The following CCSER1 variants were observed in gnomAD, a reference collection of about 807,000 sequenced individuals.
CCSER1 encodes the protein serine-rich coiled-coil domain-containing protein 1.
Under a neutral mutation model 82.0 loss-of-function variants are expected in CCSER1, and 41 were observed. The ratio of observed to expected loss-of-function variants is 0.50; its 90% CI spans 0.39 to 0.65. The LOEUF (loss-of-function observed/expected upper bound fraction) is 0.65, where lower values mean the gene tolerates loss of function less well. Among genes scored for constraint, CCSER1 ranks in the 30% least tolerant of loss-of-function variants. The pLI is 0.00. For synonymous variants in CCSER1, 414 were observed against 383.9 expected (o/e 1.08, Z -0.92); for missense variants, 1,119 against 1,064.2 (o/e 1.05, Z -0.72).
chr4:90,405,561 C>A (rs1753590018), intron 4 of CCSER1, among the ~76,000 whole-genome samples: 2 of 152,120 alleles, frequency 1.3e-5, no homozygotes, highest in African/African-American at 4.8e-5. Context: ...ACACAGTCAT[C>A]AGGTTACCTA....
At chr4:90,836,085 A>G (rs548082320) in intron 8 of CCSER1, among the ~76,000 whole-genome samples, 35 of 152,318 alleles carry the variant, frequency 2.3e-4, no homozygotes, top group African/African-American at 6.5e-4. Context: ...CAGACCTAGC[A>G]TGAGATTTTT....
chr4:91,098,538 G>A (rs1724732422), intron 10 of CCSER1, among the ~76,000 whole-genome samples: 1 of 151,286 alleles, frequency 6.6e-6, no homozygotes, highest in Non-Finnish European at 1.5e-5. Flanking sequence ...AAGATCACTG[G>A]AGATAATTTT....
intron 10 of CCSER1, among the ~76,000 whole-genome samples, chr4:91,394,835 G>T (rs1295137060): frequency 1.5e-4 from 22 of 150,890 alleles, no homozygotes; most frequent in Admixed American, 1.5e-3. Flanking sequence ...TAGAGAAAAA[G>T]AATTTGCTAT....
intron 1 of CCSER1, among the ~76,000 whole-genome samples, chr4:90,255,731 T>TA (rs774183119): frequency 4.8e-4 from 73 of 151,926 alleles, no homozygotes; most frequent in Admixed American, 5.9e-4. Flanking sequence ...CAAAGAGGTG[T>TA]AAAAAAAACA....
intron 10 of CCSER1, among the ~76,000 whole-genome samples, chr4:91,388,063 AT>A (rs1751415102): frequency 2.0e-5 from 3 of 152,080 alleles, no homozygotes; most frequent in Admixed American, 1.3e-4. Context: ...AAATATCATT[AT>A]TGATCAATTG....
chr4:90,452,222 C>T (rs906277064), intron 4 of CCSER1, among the ~76,000 whole-genome samples: 2 of 152,116 alleles, frequency 1.3e-5, no homozygotes, highest in African/African-American at 2.4e-5. Flanking sequence ...TTGAGGTCCT[C>T]TCCGGCTGCA....
chr4:90,579,307 C>A (rs1781149066), intron 5 of CCSER1, among the ~76,000 whole-genome samples: 1 of 152,140 alleles, frequency 6.6e-6, no homozygotes, highest in Non-Finnish European at 1.5e-5. Flanking sequence ...TCAACACAGT[C>A]ATTTTGAACA....
At chr4:90,828,436 A>G (rs1476833251) in intron 8 of CCSER1, among the ~76,000 whole-genome samples, 2 of 152,222 alleles carry the variant, frequency 1.3e-5, no homozygotes, top group African/African-American at 4.8e-5. Context: ...GAGAAGCACT[A>G]AATCCAAACA....
At chr4:90,382,145 T>G (rs1749301603) in intron 3 of CCSER1, among the ~76,000 whole-genome samples, 1 of 152,116 alleles carries the variant, frequency 6.6e-6, no homozygotes, top group Admixed American at 6.5e-5. Flanking sequence ...TCTGAAAATC[T>G]TTATATCAAA....
intron 7 of CCSER1, among the ~76,000 whole-genome samples, chr4:90,789,476 TACTC>T (rs2149652234): frequency 6.6e-6 from 1 of 152,254 alleles, no homozygotes; most frequent in South Asian, 2.1e-4. Context: ...TTTGAGCTCA[TACTC>T]ACGTAGCCAA....
intron 5 of CCSER1, among the ~76,000 whole-genome samples, chr4:90,547,734 A>G (rs935773443): frequency 6.6e-6 from 1 of 152,148 alleles, no homozygotes; most frequent in Non-Finnish European, 1.5e-5. Context: ...CACTGATCTT[A>G]ACTTCGAAAA....
At chr4:91,598,431 G>T (rs755184326) in intron 10 of CCSER1, 141 bp from the exon 11 acceptor site, 2 of 857,670 alleles carry the variant, frequency 2.3e-6, no homozygotes, top group Non-Finnish European at 3.4e-6. Context: ...TTAATCCCAT[G>T]GTTAATTGTA....
chr4:91,147,597 T>A (rs1170734793), intron 10 of CCSER1, among the ~76,000 whole-genome samples: 3 of 152,210 alleles, frequency 2.0e-5, no homozygotes, highest in African/African-American at 7.2e-5. Context: ...TGTGCTTGAA[T>A]TCCCTCGGGG....
At chr4:90,425,933 AC>A (rs1757470161) in intron 4 of CCSER1, among the ~76,000 whole-genome samples, 1 of 151,888 alleles carries the variant, frequency 6.6e-6, no homozygotes, top group African/African-American at 2.4e-5. Context: ...TAAAAAAAAA[AC>A]GTTAATGAAG....
intron 3 of CCSER1, among the ~76,000 whole-genome samples, chr4:90,339,671 C>T (rs1741038693): frequency 6.6e-6 from 1 of 152,072 alleles, no homozygotes; most frequent in Admixed American, 6.6e-5. Flanking sequence ...GTTGTCCTCC[C>T]TCATTTTCTT....
chr4:91,455,426 A>G lies in CCSER1; in HGVS notation c.2218-143146A>G, dbSNP rs545943416. ...GGCCCTAGCATCAGGAATAGGATTGAGATTAGTGCTCTTATAAAAGAGATT... is the reference window on the plus strand; with the variant it reads ...GGCCCTAGCATCAGGAATAGGATTGGGATTAGTGCTCTTATAAAAGAGATT... On this transcript the variant is annotated intron_variant, in intron 10 of 10. Coordinates refer to ENST00000509176, the MANE Select transcript of CCSER1 (RefSeq NM_001145065.2). Among the ~76,000 whole-genome samples the G allele has an allele frequency of 4.6e-5, 7 of 152,104 alleles. No individual in the cohort carries two copies. In the East Asian group the frequency reaches 1.4e-3, roughly 29 times the overall value.
Position 91,587,448 on chromosome 4 carries a change from C to T in CCSER1, c.2218-11124C>T, listed in dbSNP as rs138661316. Reference sequence around the variant, plus strand: ...TGCAGCCTATTGTAGCACAGCATACCTAGCAAAGATCAGACATATATATGT... The same window carrying T: ...TGCAGCCTATTGTAGCACAGCATACTTAGCAAAGATCAGACATATATATGT... On this transcript the variant is annotated intron_variant, in intron 10 of 10. Transcript: ENST00000509176. 4.0e-4 allele frequency among the ~76,000 whole-genome samples: 60 copies of T among 151,834 alleles called. 1 individual carries two copies. The East Asian group carries it at 8.3e-3, about 21-fold the overall frequency.
chr4:91,283,110 TTATAA>T (rs934216444), intron 10 of CCSER1, among the ~76,000 whole-genome samples: 24 of 152,160 alleles, frequency 1.6e-4, no homozygotes, highest in African/African-American at 2.6e-4. Context: ...CTTGAGTATA[TTATAA>T]TATAATTCTG....
chr4:91,165,120 C>T (rs761974499), intron 10 of CCSER1, among the ~76,000 whole-genome samples: 7 of 152,010 alleles, frequency 4.6e-5, no homozygotes, highest in East Asian at 1.9e-4. Flanking sequence ...GGTTTTGGTT[C>T]GGATGTCCTT....
Sources: allele counts gnomAD v4.1 joint callset (sites outside exome capture counted in the v4.1 genomes callset), GRCh38; gene constraint gnomAD v4.1.1; transcripts MANE v1.5; gene names NCBI Gene and HGNC (gene_info 2026-07-23, HGNC 2026-07-21).